Variants in HS3ST1 observed in about 807,000 individuals in gnomAD.
HS3ST1 encodes the protein heparan sulfate glucosamine 3-O-sulfotransferase 1.
HS3ST1 carries 8 observed loss-of-function variants against 20.7 expected under a neutral mutation model. The observed-to-expected ratio is 0.39, with a 90% CI of 0.23 to 0.70. The LOEUF (loss-of-function observed/expected upper bound fraction) is 0.70. Among genes scored for constraint, HS3ST1 ranks in the 30% least tolerant of loss-of-function variants. HS3ST1 has a pLI of 0.46. For missense variants in HS3ST1, 436 were observed against 423.4 expected, an observed-to-expected ratio of 1.03 and a Z score of -0.26; for synonymous variants, 205 against 190.4, an observed-to-expected ratio of 1.08 and a Z score of -0.63.
intron 1 of HS3ST1, among the ~76,000 whole-genome samples, chr4:11,415,128 A>G (rs1042218191): frequency 6.6e-6 from 1 of 152,234 alleles, no homozygotes; most frequent in Non-Finnish European, 1.5e-5. Flanking sequence ...GCACCTGAGG[A>G]AAGTTCAGGG....
At chr4:11,405,634 A>T (rs991774914) in intron 1 of HS3ST1, among the ~76,000 whole-genome samples, 2 of 152,152 alleles carry the variant, frequency 1.3e-5, no homozygotes, top group African/African-American at 4.8e-5. Flanking sequence ...ACACAGTAGG[A>T]AGAGAAACTT....
At chr4:11,423,270 A>G (rs1305010357) in intron 1 of HS3ST1, among the ~76,000 whole-genome samples, 2 of 152,204 alleles carry the variant, frequency 1.3e-5, no homozygotes, top group African/African-American at 2.4e-5. Flanking sequence ...AACGTGCTCA[A>G]TAGTCAGTTT....
rs747480110 is a variant in HS3ST1, at chr4:11,399,882, G to C, written c.124C>G (p.Arg42Gly). The C allele has an allele frequency of 4.3e-6, 7 of 1,611,642 alleles. No individual in the cohort carries two copies. Among genetic ancestry groups the C allele is most frequent in the Non-Finnish European group, 5.9e-6 (7 of 1,179,696 alleles). The change falls in exon 2 of 2, where the codon CGC becomes GGC. Residue 42 changes from arginine to glycine, a missense_variant. By Grantham distance (125) the Arg-to-Gly change is moderately radical (BLOSUM62 -2). Transcript: ENST00000002596. The surrounding 1 kb of genome is among the most constrained non-coding windows in gnomAD (Gnocchi z 5.1). ...RKAGTLQDDV[R>G]DGVAPNGSAQ... Reference sequence around the variant, plus strand: ...GAGCCGTTTGGGGCCACGCCATCGCGGACGTCATCCTGGAGGGTCCCCGCT... The same window carrying C: ...GAGCCGTTTGGGGCCACGCCATCGCCGACGTCATCCTGGAGGGTCCCCGCT...
chr4:11,428,581 GCCT>G (rs1719129629), intron 1 of HS3ST1, 115 bp downstream of exon 1: 1 of 152,702 alleles, frequency 6.5e-6, no homozygotes, highest in Non-Finnish European at 1.5e-5. Context: ...ACCTGCTCCA[GCCT>G]CGATTCTTCT....
intron 1 of HS3ST1, among the ~76,000 whole-genome samples, chr4:11,419,817 T>A (rs780613311): frequency 2.0e-5 from 3 of 152,170 alleles, no homozygotes; most frequent in Non-Finnish European, 2.9e-5. Context: ...CTTTCCCTCA[T>A]CATTAATGGC....
At chr4:11,412,367 A>T (rs1357118565) in intron 1 of HS3ST1, among the ~76,000 whole-genome samples, 1 of 152,202 alleles carries the variant, frequency 6.6e-6, no homozygotes, top group Middle Eastern at 3.2e-3. Flanking sequence ...GCTTTAGAGG[A>T]TTGAGAAACA....
At chr4:11,426,788 T>C (rs1719072461) in intron 1 of HS3ST1, among the ~76,000 whole-genome samples, 1 of 152,250 alleles carries the variant, frequency 6.6e-6, no homozygotes, top group Non-Finnish European at 1.5e-5. Context: ...AAAGACTCTT[T>C]TAGAAGCTGT....
Position 11,399,833 on chromosome 4 carries a change from A to G in HS3ST1, c.173T>C (p.Ile58Thr). 1 of 1,612,862 alleles carries G rather than the reference A, an allele frequency of 6.2e-7. No homozygotes were observed. The highest frequency in any genetic ancestry group is 8.5e-7 in the Non-Finnish European group (1 of 1,179,768). ...GCCGCCCTTGCGCACGCCGATGATGATGGTCTGCGGCAACTGCTGGGCAGA... is the reference window on the plus strand; with the variant it reads ...GCCGCCCTTGCGCACGCCGATGATGGTGGTCTGCGGCAACTGCTGGGCAGA... ...NGSAQQLPQTIIIGVRKGGTR... is the reference protein window; with the variant it reads ...NGSAQQLPQTTIIGVRKGGTR... The change falls in exon 2 of 2, where the codon ATC (isoleucine) becomes ACC (threonine). Residue 58 changes from isoleucine (I) to threonine (T), a missense_variant. Ile to Thr is a moderately conservative substitution (Grantham distance 89). Coordinates refer to ENST00000002596, the MANE Select transcript of HS3ST1 (RefSeq NM_005114.4). The surrounding 1 kb of genome is among the most constrained non-coding windows in gnomAD (Gnocchi z 5.1).
At chr4:11,406,111 T>C (rs1216141081) in intron 1 of HS3ST1, among the ~76,000 whole-genome samples, 4 of 152,170 alleles carry the variant, frequency 2.6e-5, no homozygotes, top group African/African-American at 9.7e-5. Flanking sequence ...ACTTATGGGA[T>C]TTAACAAAAG....
chr4:11,412,614 AG>A (rs1718667300), intron 1 of HS3ST1, among the ~76,000 whole-genome samples: 1 of 152,142 alleles, frequency 6.6e-6, no homozygotes, highest in South Asian at 2.1e-4. Context: ...TTAGTGGAAA[AG>A]AGGCTGTTTC....
chr4:11,411,365 A>G (rs1560234411), intron 1 of HS3ST1, among the ~76,000 whole-genome samples: 1 of 152,244 alleles, frequency 6.6e-6, no homozygotes. Context: ...CCACATACAT[A>G]TACACACCAC....
chr4:11,409,319 G>A (rs1384024180), intron 1 of HS3ST1, among the ~76,000 whole-genome samples: 1 of 152,182 alleles, frequency 6.6e-6, no homozygotes, highest in Non-Finnish European at 1.5e-5. Flanking sequence ...GAGCCAGGTT[G>A]TTATGGACTG....
intron 1 of HS3ST1, 103 bp downstream of exon 1, chr4:11,428,596 A>C (rs1484507811): frequency 6.6e-6 from 1 of 152,604 alleles, no homozygotes; most frequent in Non-Finnish European, 1.5e-5. Flanking sequence ...GATTCTTCTT[A>C]GGTTCTGCAC....
chr4:11,429,757 G>A (rs1369879898), upstream of HS3ST1: 1 of 147,476 alleles, frequency 6.8e-6, no homozygotes, highest in Non-Finnish European at 1.5e-5. Context: ...CCGGAAGCTG[G>A]GAGGTTCTGT....
At chr4:11,425,930 G>T (rs941828593) in intron 1 of HS3ST1, among the ~76,000 whole-genome samples, 1 of 138,540 alleles carries the variant, frequency 7.2e-6, no homozygotes, top group South Asian at 2.3e-4. Flanking sequence ...CAAGTAGCCA[G>T]GTTGAGGGGA....
chr4:11,419,527 C>T (rs533417405), intron 1 of HS3ST1, among the ~76,000 whole-genome samples: 2 of 151,994 alleles, frequency 1.3e-5, no homozygotes, highest in Non-Finnish European at 1.5e-5. Flanking sequence ...CTGATGCATG[C>T]GGGGCTTGAA....
chr4:11,404,803 C>T (rs1718418408), intron 1 of HS3ST1, among the ~76,000 whole-genome samples: 1 of 152,228 alleles, frequency 6.6e-6, no homozygotes, highest in South Asian at 2.1e-4. Flanking sequence ...GCAATGATTG[C>T]AGCTCCCATC....
At chr4:11,406,744 A>G (rs1718475556) in intron 1 of HS3ST1, among the ~76,000 whole-genome samples, 1 of 152,184 alleles carries the variant, frequency 6.6e-6, no homozygotes, top group Non-Finnish European at 1.5e-5. Flanking sequence ...TGTGAGATTT[A>G]TTATACTGTT....
intron 1 of HS3ST1, among the ~76,000 whole-genome samples, chr4:11,417,990 A>G (rs1021627002): frequency 6.6e-5 from 10 of 152,194 alleles, no homozygotes; most frequent in African/African-American, 2.2e-4. Context: ...CTATTCTGTA[A>G]TGATTTTGCC....
Sources: allele counts gnomAD v4.1 joint callset (sites outside exome capture counted in the v4.1 genomes callset), GRCh38; gene constraint gnomAD v4.1.1; non-coding constraint Gnocchi (gnomAD v3.1); transcripts MANE v1.5; gene names NCBI Gene and HGNC (gene_info 2026-07-23, HGNC 2026-07-21).